Variants in RAP1GAP2 observed in about 807,000 individuals in gnomAD.
RAP1GAP2 encodes rap1 GTPase-activating protein 2.
A neutral mutation model predicts 95.0 loss-of-function variants in RAP1GAP2; 27 were observed. The observed-to-expected ratio is 0.28, with a 90% confidence interval of 0.21 to 0.39. The LOEUF is 0.39. Among genes scored for constraint, RAP1GAP2 ranks in the 10% least tolerant of loss-of-function variants. RAP1GAP2 has a pLI of 1.00. For missense variants in RAP1GAP2, 771 were observed against 970.0 expected (o/e 0.79, Z 2.72); for synonymous variants, 373 against 380.9 (o/e 0.98, Z 0.24).
At chr17:2,910,078 C>A (rs1159498787) in intron 3 of RAP1GAP2, among the ~76,000 whole-genome samples, 1 of 152,246 alleles carries the variant, frequency 6.6e-6, no homozygotes, top group African/African-American at 2.4e-5. Context: ...AGTGTCCCAT[C>A]ACAAAAGTGA....
chr17:2,900,910 G>T (rs1246024575), intron 2 of RAP1GAP2, among the ~76,000 whole-genome samples: 2 of 152,176 alleles, frequency 1.3e-5, no homozygotes, highest in Non-Finnish European at 2.9e-5. Flanking sequence ...TCTCCATAGC[G>T]ATGTGTGAGA....
chr17:2,773,869 T>G (rs1206131363), upstream of RAP1GAP2, among the ~76,000 whole-genome samples: 1 of 152,050 alleles, frequency 6.6e-6, no homozygotes, highest in East Asian at 1.9e-4. Flanking sequence ...GCAATTCTCC[T>G]GCCTCAGCCT....
intron 2 of RAP1GAP2, among the ~76,000 whole-genome samples, chr17:2,901,363 C>T (rs1427650265): frequency 6.6e-6 from 1 of 152,206 alleles, no homozygotes; most frequent in Non-Finnish European, 1.5e-5. Context: ...TCTGGCTTCT[C>T]TCCATCCTCC....
chr17:2,815,359 G>A (rs775306505), intron 2 of RAP1GAP2, among the ~76,000 whole-genome samples: 2 of 152,070 alleles, frequency 1.3e-5, no homozygotes, highest in African/African-American at 4.8e-5. Flanking sequence ...ACGTGGGTGC[G>A]CTTGTTGTGA....
intron 2 of RAP1GAP2, among the ~76,000 whole-genome samples, chr17:2,861,972 A>C (rs2072413529): frequency 6.6e-6 from 1 of 152,106 alleles, no homozygotes; most frequent in African/African-American, 2.4e-5. Context: ...GGCCCTTTTA[A>C]TACTCAGCGC....
Position 2,827,768 on chromosome 17 carries a change from C to A in RAP1GAP2, c.80+27218C>A, listed in dbSNP as rs1006922487. 6.6e-6 allele frequency among the ~76,000 whole-genome samples: 1 copy of A among 151,972 alleles called. No individual in the cohort carries two copies. Among genetic ancestry groups the A allele is most frequent in the East Asian group, 1.9e-4 (1 of 5,158 alleles). On this transcript the variant is annotated intron_variant, in intron 2 of 24. Transcript: ENST00000254695. This position sits in a 1 kb window ranked among gnomAD's most constrained non-coding sequence, Gnocchi z 4.1. Reference sequence around the variant, plus strand: ...GGAACTGGGATCTCATTCATCCCATCTGGTCAGCATCTCTTTGGTTGCTTT... The same window carrying A: ...GGAACTGGGATCTCATTCATCCCATATGGTCAGCATCTCTTTGGTTGCTTT...
chr17:2,887,316 C>T (rs1423296008), intron 2 of RAP1GAP2, among the ~76,000 whole-genome samples: 1 of 152,006 alleles, frequency 6.6e-6, no homozygotes, highest in Non-Finnish European at 1.5e-5. Context: ...CCTTGGCTTC[C>T]CAAAGTGCTA....
At chr17:2,886,522 A>G (rs1261840729) in intron 2 of RAP1GAP2, among the ~76,000 whole-genome samples, 1 of 152,198 alleles carries the variant, frequency 6.6e-6, no homozygotes, top group Non-Finnish European at 1.5e-5. Context: ...AAACAGAATG[A>G]TAGTCAGTGG....
chr17:2,995,894 C>A (rs537924203), intron 13 of RAP1GAP2, among the ~76,000 whole-genome samples: 1 of 152,316 alleles, frequency 6.6e-6, no homozygotes, highest in African/African-American at 2.4e-5. Flanking sequence ...CTGAAGCCGC[C>A]TGTGCCACTT....
chr17:3,009,306 C>A (rs1264990878), intron 17 of RAP1GAP2, among the ~76,000 whole-genome samples: 1 of 152,230 alleles, frequency 6.6e-6, no homozygotes, highest in Admixed American at 6.5e-5. Flanking sequence ...AAAGTGAAAG[C>A]TTCACACACA....
chr17:2,797,580 A>G lies in RAP1GAP2; in HGVS notation c.44+1009A>G. 2.1e-6 allele frequency: 1 copy of G among 483,554 alleles called. No individual in the cohort carries two copies. Among genetic ancestry groups the G allele is most frequent in the Non-Finnish European group, 2.7e-6 (1 of 371,786 alleles). The allele number at this position is 483,554 out of a possible 1,614,324, so 30.0% of individuals were successfully genotyped here. On this transcript the variant is annotated intron_variant, in intron 1 of 24. Coordinates refer to ENST00000254695, the MANE Select transcript of RAP1GAP2 (RefSeq NM_015085.5). The surrounding 1 kb of genome is among the most constrained non-coding windows in gnomAD (Gnocchi z 5.6). The stretch of plus-strand genomic sequence containing the variant: ...GGGGAGAGGGGCTGTGTTCCTCGGT[A>G]ATTTTTCGCTTCCGTGTGTGTGGCT...
At chr17:2,788,748 A>G (rs1026431622) in intron 1 of RAP1GAP2, among the ~76,000 whole-genome samples, 1 of 152,220 alleles carries the variant, frequency 6.6e-6, no homozygotes, top group African/African-American at 2.4e-5. Flanking sequence ...GGGCAGGAGA[A>G]GGCGGGTTCT....
upstream of RAP1GAP2, among the ~76,000 whole-genome samples, chr17:2,772,512 G>A (rs538178941): frequency 6.4e-4 from 98 of 152,044 alleles, no homozygotes; most frequent in Non-Finnish European, 3.1e-4. Flanking sequence ...TGCCCAGGCT[G>A]GTCAACTCCT....
chr17:2,970,917 C>G (rs2044841761), intron 8 of RAP1GAP2, among the ~76,000 whole-genome samples: 1 of 152,088 alleles, frequency 6.6e-6, no homozygotes, highest in Non-Finnish European at 1.5e-5. Flanking sequence ...CACCTGTGGT[C>G]CCAGCTACTC....
chr17:3,012,028 C>G (rs965778902), intron 17 of RAP1GAP2, among the ~76,000 whole-genome samples: 7 of 152,146 alleles, frequency 4.6e-5, no homozygotes, highest in South Asian at 2.1e-4. Flanking sequence ...GCTGCTCCCC[C>G]ACGTCAGCAC....
chr17:2,995,329 G>A lies in RAP1GAP2; in HGVS notation c.915-8G>A. The stretch of plus-strand genomic sequence containing the variant: ...TTCTCCCCATCTCCTGCCCTGTTTT[G>A]TTGACAGTTTCCGAGGAGGCCTGGA... On this transcript the variant is annotated splice_polypyrimidine_tract_variant and splice_region_variant and intron_variant, in intron 12 of 24. Coordinates refer to ENST00000254695, the MANE Select transcript of RAP1GAP2 (RefSeq NM_015085.5). 1 of 1,613,084 alleles carries A rather than the reference G, an allele frequency of 6.2e-7. No homozygotes were observed. The highest frequency in any genetic ancestry group is 8.5e-7 in the Non-Finnish European group (1 of 1,179,186).
In RAP1GAP2 at chr17:2,923,285, G is replaced by A. The variant is rs368455117; in HGVS notation, c.165+17917G>A. On this transcript the variant is annotated intron_variant, in intron 3 of 24. Transcript: ENST00000254695. ...AAACTCCTGACCTCGTGATCTGCCC[G>A]CCTCGGCCTCCCAAAGTGCTGGGGT... 2.1e-4 allele frequency among the ~76,000 whole-genome samples: 31 copies of A among 149,778 alleles called. No homozygotes were observed. In the East Asian group the frequency reaches 3.6e-3, roughly 17 times the overall value.
chr17:2,936,513 C>T (rs907247154), intron 3 of RAP1GAP2, among the ~76,000 whole-genome samples: 3 of 151,950 alleles, frequency 2.0e-5, no homozygotes, highest in Admixed American at 2.0e-4. Flanking sequence ...CCTCGAACCT[C>T]TTTCACTCAG....
At position 2,867,995 on chromosome 17, in the gene RAP1GAP2, G is replaced by A. The variant is rs2151633624; in HGVS notation, c.81-37289G>A. 6.6e-6 allele frequency among the ~76,000 whole-genome samples: 1 copy of A among 152,308 alleles called. No individual in the cohort carries two copies. The highest frequency in any genetic ancestry group is 1.9e-4 in the East Asian group (1 of 5,184). On this transcript the variant is annotated intron_variant, in intron 2 of 24. Transcript: ENST00000254695. The surrounding 1 kb of genome is among the most constrained non-coding windows in gnomAD (Gnocchi z 4.5). ...GCTGTCTTTTCTCTGAGTCCATTCTGAACATCAAAGCATTCAGCCTGTGAC... is the reference window on the plus strand; with the variant it reads ...GCTGTCTTTTCTCTGAGTCCATTCTAAACATCAAAGCATTCAGCCTGTGAC...
Sources: gnomAD v4.1 joint callset for allele counts (sites outside exome capture counted in the v4.1 genomes callset) on GRCh38, gnomAD v4.1.1 for gene constraint, Gnocchi (gnomAD v3.1) non-coding constraint, MANE v1.5 for transcripts, NCBI Gene and HGNC (gene_info 2026-07-23, HGNC 2026-07-21) for gene names.